ADARB1: variants seen among roughly 807,000 people sequenced by gnomAD.
The protein encoded by ADARB1 is adenosine deaminase RNA specific B1.
Under a neutral mutation model 52.4 loss-of-function variants are expected in ADARB1, and 10 were observed. The ratio of observed to expected loss-of-function variants is 0.19; its 90% CI spans 0.12 to 0.32. The LOEUF is 0.32. Ranked by LOEUF, ADARB1 falls within the 10% of genes least tolerant of loss-of-function variation. The probability of loss-of-function intolerance (pLI) is 1.00; values close to 1 mark genes in which losing one functional copy is unlikely to be tolerated. For missense variants in ADARB1, 643 were observed against 922.3 expected (o/e 0.70, Z 3.92); for synonymous variants, 349 against 371.1 (o/e 0.94, Z 0.68).
At chr21:45,119,572 T>A (rs540947964) in intron 1 of ADARB1, among the ~76,000 whole-genome samples, 86 of 152,282 alleles carry the variant, frequency 5.6e-4, no homozygotes, top group Non-Finnish European at 8.8e-4. Context: ...TATGTAAGAG[T>A]GTGGCCATAA....
rs929114861 is a variant in ADARB1, at chr21:45,109,983, G to A, written c.-219-18419G>A. On this transcript the variant is annotated intron_variant, in intron 1 of 10. Coordinates refer to ENST00000348831, the MANE Select transcript of ADARB1 (RefSeq NM_001112.4). ...GGCTGCCTCTAGTCACGCTTCAGCT[G>A]CAAGTGCGGTGTGAGCATCTATTTT... is the stretch of plus-strand genomic sequence containing the variant. Among the ~76,000 whole-genome samples the A allele has an allele frequency of 3.3e-5, 5 of 152,318 alleles. No individual in the cohort carries two copies. The South Asian group carries it at 1.0e-3, about 32-fold the overall frequency.
chr21:45,090,465 T>A (rs1413870029), intron 1 of ADARB1, among the ~76,000 whole-genome samples: 1 of 152,136 alleles, frequency 6.6e-6, no homozygotes, highest in African/African-American at 2.4e-5. Context: ...AAACCCCTGA[T>A]TTGTAGCATT....
intron 2 of ADARB1, among the ~76,000 whole-genome samples, chr21:45,168,311 G>A (rs1390862031): frequency 1.3e-5 from 2 of 152,078 alleles, no homozygotes; most frequent in African/African-American, 4.8e-5. Context: ...CGTTTGCAGA[G>A]AAAAAGTTTT....
At chr21:45,132,974 G>A (rs989206206) in intron 2 of ADARB1, among the ~76,000 whole-genome samples, 10 of 152,222 alleles carry the variant, frequency 6.6e-5, no homozygotes, top group African/African-American at 1.4e-4. Context: ...CACAGTCAGC[G>A]TTTCCCTGCC....
At chr21:45,148,156 A>G (rs1040379544) in intron 2 of ADARB1, among the ~76,000 whole-genome samples, 5 of 152,172 alleles carry the variant, frequency 3.3e-5, no homozygotes, top group Admixed American at 2.6e-4. Flanking sequence ...GCCTTTGCAG[A>G]CAGCTTCTGT....
At chr21:45,126,457 CT>C (rs1221427347) in intron 1 of ADARB1, among the ~76,000 whole-genome samples, 1 of 152,234 alleles carries the variant, frequency 6.6e-6, no homozygotes, top group Non-Finnish European at 1.5e-5. Context: ...TTTTGACCAT[CT>C]TTTATTGCGC....
intron 1 of ADARB1, among the ~76,000 whole-genome samples, chr21:45,077,834 T>C (rs1942057642): frequency 6.6e-6 from 1 of 152,148 alleles, no homozygotes; most frequent in Admixed American, 6.5e-5. Context: ...AATGGGAAAA[T>C]TAAAAATTGT....
In ADARB1 at chr21:45,074,589, A is replaced by AGGCGGCCGTGGCGGCGGCGGC. The variant is rs2085827881; in HGVS notation, c.-417_-397dup. On this transcript the variant is annotated 5_prime_UTR_variant, in exon 1 of 11. Transcript: ENST00000348831. ...CGCCGGCGGCGGGGCTGAGGCGCTG[A>AGGCGGCCGTGGCGGCGGCGGC]GGCGGCCGTGGCGGCGGCGGCGGCG... 1 of 130,856 alleles carries AGGCGGCCGTGGCGGCGGCGGC rather than the reference A, an allele frequency of 7.6e-6. No homozygotes were observed. The highest frequency in any genetic ancestry group is 1.7e-5 in the Non-Finnish European group (1 of 59,024). 8.1% of individuals were successfully genotyped at this position (130,856 alleles called of 1,614,324 possible).
chr21:45,123,512 C>T (rs1311746828), intron 1 of ADARB1, among the ~76,000 whole-genome samples: 1 of 152,166 alleles, frequency 6.6e-6, no homozygotes, highest in East Asian at 1.9e-4. Flanking sequence ...CCTGTGTTGC[C>T]CAGGCTGTTC....
chr21:45,116,047 C>G (rs948026170), intron 1 of ADARB1, among the ~76,000 whole-genome samples: 1 of 152,204 alleles, frequency 6.6e-6, no homozygotes. Context: ...CAGACTAAGT[C>G]CTTTGTGCAA....
chr21:45,087,917 A>G (rs1387481794), intron 1 of ADARB1, among the ~76,000 whole-genome samples: 1 of 152,206 alleles, frequency 6.6e-6, no homozygotes, highest in Non-Finnish European at 1.5e-5. Context: ...CTCAGTGTTA[A>G]TGGTGAGCAA....
At chr21:45,171,713 A>G in intron 3 of ADARB1, 29 bp downstream of exon 3, 1 of 1,582,968 alleles carries the variant, frequency 6.3e-7, no homozygotes, top group Non-Finnish European at 8.6e-7. Context: ...ACGTAGTATC[A>G]GATAGCTAAT....
intron 8 of ADARB1, among the ~76,000 whole-genome samples, chr21:45,189,102 C>G (rs1210549903): frequency 6.6e-6 from 1 of 152,192 alleles, no homozygotes; most frequent in South Asian, 2.1e-4. Context: ...CCCACTGGGT[C>G]CCTCCGACAA....
chr21:45,220,833 C>T lies in ADARB1; in HGVS notation c.1748-3C>T, dbSNP rs774558665. On this transcript the variant is annotated splice_region_variant and splice_polypyrimidine_tract_variant and intron_variant, in intron 9 of 10. Transcript: ENST00000348831. This position sits in a 1 kb window ranked among gnomAD's most constrained non-coding sequence, Gnocchi z 6.3. The stretch of plus-strand genomic sequence containing the variant: ...CACCACCTTCCTGTGTCTTCCGTTT[C>T]AGGCATCAGCAATGCAGAAGCACGG... 3.5e-5 allele frequency: 56 copies of T among 1,611,874 alleles called. No homozygotes were observed. The highest frequency in any genetic ancestry group is 4.3e-5 in the Non-Finnish European group (51 of 1,178,886).
At chr21:45,158,539 C>G (rs1196568373) in intron 2 of ADARB1, among the ~76,000 whole-genome samples, 1 of 152,100 alleles carries the variant, frequency 6.6e-6, no homozygotes, top group African/African-American at 2.4e-5. Flanking sequence ...GGTCCTGTAC[C>G]AGTGACATCA....
At chr21:45,130,061 TC>T in intron 2 of ADARB1, among the ~76,000 whole-genome samples, 1 of 152,326 alleles carries the variant, frequency 6.6e-6, no homozygotes, top group East Asian at 1.9e-4. Flanking sequence ...CAGCGCTTCT[TC>T]TAGCTTAATT....
Position 45,208,123 on chromosome 21 carries a change from G to A in ADARB1, c.1747+3387G>A, listed in dbSNP as rs1350125334. 6.6e-6 allele frequency among the ~76,000 whole-genome samples: 1 copy of A among 151,922 alleles called. No homozygotes were observed. Among genetic ancestry groups the A allele is most frequent in the East Asian group, 1.9e-4 (1 of 5,190 alleles). The stretch of plus-strand genomic sequence containing the variant: ...CACATCCAGCACTTGCAAGTTTCAG[G>A]ACAATTCCAGCTTCTTATTTATGTC... On this transcript the variant is annotated intron_variant, in intron 9 of 10. Transcript: ENST00000348831. This position sits in a 1 kb window ranked among gnomAD's most constrained non-coding sequence, Gnocchi z 5.6.
chr21:45,178,391 A>G (rs1436992090), intron 4 of ADARB1, among the ~76,000 whole-genome samples: 1 of 152,236 alleles, frequency 6.6e-6, no homozygotes. Flanking sequence ...GGTGCTGAAC[A>G]CCAGGCTCTA....
chr21:45,106,173 T>C (rs956136899), intron 1 of ADARB1, among the ~76,000 whole-genome samples: 3 of 144,178 alleles, frequency 2.1e-5, no homozygotes, highest in African/African-American at 7.8e-5. Context: ...TTGAGCAGGC[T>C]TGTTAAATCC....
Sources: allele counts gnomAD v4.1 joint callset (sites outside exome capture counted in the v4.1 genomes callset), GRCh38; gene constraint gnomAD v4.1.1; non-coding constraint Gnocchi (gnomAD v3.1); transcripts MANE v1.5; gene names NCBI Gene and HGNC (gene_info 2026-07-23, HGNC 2026-07-21).